GNG12: variants seen among roughly 807,000 people sequenced by gnomAD.
GNG12 encodes the protein guanine nucleotide-binding protein G(I)/G(S)/G(O) subunit gamma-12.
For synonymous variants in GNG12, 28 were observed against 29.7 expected (o/e 0.94, Z 0.19); for missense variants, 69 against 83.8 (o/e 0.82, Z 0.69).
chr1:67,738,745 G>A (rs1646466007), intron 2 of GNG12, among the ~76,000 whole-genome samples: 2 of 152,226 alleles, frequency 1.3e-5, no homozygotes, highest in South Asian at 4.1e-4. Context: ...GGGCATGATG[G>A]CATGTGCCTG....
chr1:67,712,140 A>C (rs1016562702), intron 2 of GNG12, among the ~76,000 whole-genome samples: 1 of 152,188 alleles, frequency 6.6e-6, no homozygotes, highest in Non-Finnish European at 1.5e-5. Flanking sequence ...ATCTCCAAAT[A>C]TCTCTGTGCC....
chr1:67,772,271 A>C (rs1476629140), intron 2 of GNG12, among the ~76,000 whole-genome samples: 1 of 152,176 alleles, frequency 6.6e-6, no homozygotes, highest in African/African-American at 2.4e-5. Context: ...GATCCTGGGG[A>C]TTCAACATGA....
At chr1:67,829,679 C>T (rs1647032049) in intron 1 of GNG12, among the ~76,000 whole-genome samples, 1 of 152,206 alleles carries the variant, frequency 6.6e-6, no homozygotes, top group African/African-American at 2.4e-5. Flanking sequence ...AACTTGCTCA[C>T]AGTCTACTCA....
chr1:67,713,978 G>A (rs1310290896), intron 2 of GNG12, among the ~76,000 whole-genome samples: 2 of 152,218 alleles, frequency 1.3e-5, no homozygotes, highest in African/African-American at 4.8e-5. Context: ...TACTGAGTAG[G>A]CAGAGTTAGG....
chr1:67,789,127 A>G (rs1051487712), intron 1 of GNG12, among the ~76,000 whole-genome samples: 1 of 152,174 alleles, frequency 6.6e-6, no homozygotes, highest in East Asian at 1.9e-4. Context: ...AAAATAGGCG[A>G]CATGGCCTTC....
chr1:67,791,062 CA>C (rs1354891080), intron 1 of GNG12, among the ~76,000 whole-genome samples: 1 of 152,170 alleles, frequency 6.6e-6, no homozygotes, highest in Non-Finnish European at 1.5e-5. Context: ...CATAGTGGCT[CA>C]GGGGAAGGGT....
At chr1:67,719,789 A>C (rs576923632) in intron 2 of GNG12, among the ~76,000 whole-genome samples, 2 of 152,368 alleles carry the variant, frequency 1.3e-5, no homozygotes, top group East Asian at 3.9e-4. Context: ...TACAGCTATT[A>C]CATGGCAGAA....
rs556868114 is a variant in GNG12 at position 67,806,530 on chromosome 1, G to A, written c.-77+26814C>T. ...TATGTACAGATTTTGGTTACATGCA[G>A]GGCAGAGGGGATGGTCCTGGAACCA... On this transcript the variant is annotated intron_variant, in intron 1 of 3. Transcript: ENST00000370982. Among the ~76,000 whole-genome samples the A allele has an allele frequency of 1.9e-3, 293 of 152,176 alleles. 2 individuals carry two copies. The highest frequency in any genetic ancestry group is 6.8e-3 in the African/African-American group (282 of 41,526).
intron 2 of GNG12, among the ~76,000 whole-genome samples, chr1:67,772,039 C>G (rs1391847586): frequency 6.6e-6 from 1 of 152,162 alleles, no homozygotes; most frequent in African/African-American, 2.4e-5. Context: ...TAAGATTAAG[C>G]TAGCCAAGTC....
intron 2 of GNG12, among the ~76,000 whole-genome samples, chr1:67,715,067 C>G (rs639716): frequency 1.3e-4 from 20 of 152,072 alleles, no homozygotes; most frequent in Non-Finnish European, 2.5e-4. Context: ...TACAGGCACC[C>G]GCCACCACAC....
chr1:67,738,313 G>A (rs1010792700), intron 2 of GNG12, among the ~76,000 whole-genome samples: 9 of 152,070 alleles, frequency 5.9e-5, no homozygotes, highest in South Asian at 2.1e-4. Context: ...TAGTGATTTC[G>A]TTTTGTACTA....
At chr1:67,810,032 G>C (rs911722936) in intron 1 of GNG12, among the ~76,000 whole-genome samples, 8 of 152,134 alleles carry the variant, frequency 5.3e-5, no homozygotes, top group African/African-American at 1.9e-4. Context: ...CCTTTAGTAA[G>C]TCAGTGGGTA....
At chr1:67,796,088 G>A (rs558904574) in intron 1 of GNG12, among the ~76,000 whole-genome samples, 27 of 152,282 alleles carry the variant, frequency 1.8e-4, no homozygotes, top group African/African-American at 6.5e-4. Context: ...ACATGTGACC[G>A]ATTTAGAAAA....
intron 2 of GNG12, among the ~76,000 whole-genome samples, chr1:67,770,523 G>C (rs1349342226): frequency 2.0e-5 from 3 of 152,044 alleles, no homozygotes; most frequent in Non-Finnish European, 4.4e-5. Flanking sequence ...GGGTGTCTTT[G>C]CAACAGGTTC....
intron 2 of GNG12, among the ~76,000 whole-genome samples, chr1:67,747,888 T>C (rs961745063): frequency 1.3e-5 from 2 of 152,240 alleles, no homozygotes; most frequent in African/African-American, 2.4e-5. Flanking sequence ...CAGGAACGTA[T>C]GCTATGCAAA....
intron 1 of GNG12, among the ~76,000 whole-genome samples, chr1:67,781,364 A>T (rs979080255): frequency 2.6e-5 from 4 of 152,218 alleles, no homozygotes; most frequent in Non-Finnish European, 4.4e-5. Context: ...ACATTAATTT[A>T]TTTATTATTG....
chr1:67,786,925 T>TA (rs1553158888), intron 1 of GNG12, among the ~76,000 whole-genome samples: 3 of 75,776 alleles, frequency 4.0e-5, no homozygotes, highest in African/African-American at 1.8e-4. Context: ...TAACAGAGAC[T>TA]TATATATATA....
intron 1 of GNG12, among the ~76,000 whole-genome samples, chr1:67,784,559 A>T (rs569882891): frequency 6.6e-6 from 1 of 152,082 alleles, no homozygotes. Flanking sequence ...GATCATTAGG[A>T]TCAACATTTT....
At chr1:67,720,715 T>C (rs936900858) in intron 2 of GNG12, among the ~76,000 whole-genome samples, 1 of 152,216 alleles carries the variant, frequency 6.6e-6, no homozygotes, top group African/African-American at 2.4e-5. Context: ...AAAGAATATA[T>C]ACATGAGCAA....
Sources: gnomAD v4.1 joint callset for allele counts (sites outside exome capture counted in the v4.1 genomes callset) on GRCh38, gnomAD v4.1.1 for gene constraint, MANE v1.5 for transcripts, NCBI Gene and HGNC (gene_info 2026-07-23, HGNC 2026-07-21) for gene names.